The following EPHA6 variants were observed in gnomAD, a reference collection of about 807,000 sequenced individuals.
EPHA6 encodes the protein EPH receptor A6, also known as ephrin type-A receptor 6.
Under a neutral mutation model 112.0 loss-of-function variants are expected in EPHA6, and 50 were observed. The ratio of observed to expected loss-of-function variants is 0.45; its 90% CI spans 0.36 to 0.56. EPHA6 has a LOEUF of 0.56. Ranked by LOEUF, EPHA6 falls within the 20% of genes least tolerant of loss-of-function variation. EPHA6 has a pLI of 0.00. For missense variants in EPHA6, 1,280 were observed against 1,417.4 expected (o/e 0.90, Z 1.56); for synonymous variants, 529 against 490.7 (o/e 1.08, Z -1.03).
chr3:97,270,337 T>G (rs985090740), intron 5 of EPHA6, among the ~76,000 whole-genome samples: 2 of 152,210 alleles, frequency 1.3e-5, no homozygotes, highest in African/African-American at 4.8e-5. Flanking sequence ...AAGAATCTCC[T>G]TCAGGGTATT....
chr3:97,449,499 T>A (rs1192832048), intron 7 of EPHA6, among the ~76,000 whole-genome samples: 1 of 152,118 alleles, frequency 6.6e-6, no homozygotes, highest in African/African-American at 2.4e-5. Flanking sequence ...ATTATAGTAA[T>A]TCCTTATGGA....
At chr3:97,514,464 A>G (rs2107600881) in intron 10 of EPHA6, among the ~76,000 whole-genome samples, 1 of 152,282 alleles carries the variant, frequency 6.6e-6, no homozygotes, top group Non-Finnish European at 1.5e-5. Flanking sequence ...TTTTTGCTAA[A>G]CATGGTAACA....
intron 9 of EPHA6, chr3:97,481,364 T>G (rs1200587490): frequency 1.3e-6 from 2 of 1,541,976 alleles, no homozygotes; most frequent in Admixed American, 1.7e-5. Flanking sequence ...ATAGCTATTC[T>G]GAGAAGGAGT....
intron 3 of EPHA6, among the ~76,000 whole-genome samples, chr3:97,083,227 C>T (rs1316423322): frequency 6.6e-6 from 1 of 151,958 alleles, no homozygotes; most frequent in Non-Finnish European, 1.5e-5. Flanking sequence ...TTTCTACTTC[C>T]ACTTCTCTGC....
intron 3 of EPHA6, among the ~76,000 whole-genome samples, chr3:97,143,954 C>T (rs1051491990): frequency 6.6e-6 from 1 of 151,674 alleles, no homozygotes; most frequent in South Asian, 2.1e-4. Flanking sequence ...AGATAATTCT[C>T]AACTGTCTAG....
Position 97,087,498 on chromosome 3 carries a change from T to C in EPHA6, c.1114+99505T>C, listed in dbSNP as rs564156605. 4.6e-5 allele frequency among the ~76,000 whole-genome samples: 7 copies of C among 152,292 alleles called. No homozygotes were observed. In the East Asian group the frequency reaches 1.4e-3, roughly 29 times the overall value. On this transcript the variant is annotated intron_variant, in intron 3 of 17. Coordinates refer to ENST00000389672, the MANE Select transcript of EPHA6 (RefSeq NM_001080448.3). ...TGCATAAGAAGCCAGAGGCACTTTT[T>C]GCCCTTAACAAAAGGGAAAGGGCCA... is the stretch of plus-strand genomic sequence containing the variant.
At chr3:97,385,917 A>G (rs942679008) in intron 5 of EPHA6, among the ~76,000 whole-genome samples, 3 of 152,166 alleles carry the variant, frequency 2.0e-5, no homozygotes, top group African/African-American at 4.8e-5. Flanking sequence ...TGCCCTCATG[A>G]TCCAATCACC....
intron 11 of EPHA6, among the ~76,000 whole-genome samples, chr3:97,586,404 TG>T (rs2093488192): frequency 6.6e-6 from 1 of 152,214 alleles, no homozygotes; most frequent in Non-Finnish European, 1.5e-5. Context: ...TCTTCCTCAC[TG>T]GTGACATAAA....
chr3:97,235,913 T>A (rs1576741481), intron 4 of EPHA6, among the ~76,000 whole-genome samples: 1 of 152,110 alleles, frequency 6.6e-6, no homozygotes, highest in African/African-American at 2.4e-5. Context: ...GTTTTCTTTT[T>A]AAAAATTCAT....
chr3:97,512,769 A>G (rs1055222884), intron 10 of EPHA6, among the ~76,000 whole-genome samples: 4 of 152,054 alleles, frequency 2.6e-5, no homozygotes, highest in Non-Finnish European at 4.4e-5. Context: ...TTCACCATGT[A>G]GGCCAGGCTG....
chr3:97,329,127 C>G (rs1477113368), intron 5 of EPHA6, among the ~76,000 whole-genome samples: 1 of 152,066 alleles, frequency 6.6e-6, no homozygotes, highest in African/African-American at 2.4e-5. Flanking sequence ...TCATCCATGT[C>G]CCTACAAAGG....
At chr3:96,967,220 AG>A (rs1253288171) in intron 2 of EPHA6, among the ~76,000 whole-genome samples, 3 of 150,008 alleles carry the variant, frequency 2.0e-5, no homozygotes, top group Non-Finnish European at 4.4e-5. Flanking sequence ...TATGTAACAT[AG>A]GTTATATAAT....
intron 5 of EPHA6, among the ~76,000 whole-genome samples, chr3:97,373,101 G>C (rs918838711): frequency 6.6e-6 from 1 of 152,008 alleles, no homozygotes; most frequent in African/African-American, 2.4e-5. Context: ...ATATTTTTGT[G>C]ATTTATATTA....
chr3:97,347,264 T>G (rs2083579815), intron 5 of EPHA6, among the ~76,000 whole-genome samples: 1 of 152,110 alleles, frequency 6.6e-6, no homozygotes, highest in Non-Finnish European at 1.5e-5. Flanking sequence ...CTTTGGCTTC[T>G]TTACAATTAA....
intron 11 of EPHA6, among the ~76,000 whole-genome samples, chr3:97,580,730 A>G (rs185180267): frequency 3.3e-5 from 5 of 152,272 alleles, no homozygotes; most frequent in East Asian, 3.9e-4. Flanking sequence ...TTTTCTCCCT[A>G]TTATCAGGAA....
chr3:97,538,532 AGATGGCT>A (rs1308820115), intron 11 of EPHA6, among the ~76,000 whole-genome samples: 2 of 152,232 alleles, frequency 1.3e-5, no homozygotes, highest in Admixed American at 1.3e-4. Flanking sequence ...AGAACTCGAT[AGATGGCT>A]GATGGTTGGT....
Position 97,637,915 on chromosome 3 carries a change from C to G in EPHA6, c.2617C>G (p.Leu873Val). 1 of 1,613,936 alleles carries G rather than the reference C, an allele frequency of 6.2e-7. No individual in the cohort carries two copies. The highest frequency in any genetic ancestry group is 8.5e-7 in the Non-Finnish European group (1 of 1,179,844). The change falls in exon 14 of 18, where the codon CTC (leucine) becomes GTC (valine). Residue 873 changes from leucine to valine, a missense_variant. This residue lies in a region of EPHA6 where 878 missense variants were observed against 999.7 expected (regional missense o/e 0.88). Coordinates refer to ENST00000389672, the MANE Select transcript of EPHA6 (RefSeq NM_001080448.3). ...HFTVIQLVGM[L>V]RGIASGMKYL... ...CACAGTCATCCAGTTGGTCGGAATG[C>G]TCCGAGGCATTGCATCAGGCATGAA...
At chr3:97,272,314 G>A (rs1464717815) in intron 5 of EPHA6, among the ~76,000 whole-genome samples, 1 of 143,584 alleles carries the variant, frequency 7.0e-6, no homozygotes, top group African/African-American at 2.8e-5. Context: ...GTGTGTGTGT[G>A]TGTGTGTGTG....
At position 97,619,436 on chromosome 3, in the gene EPHA6, G is replaced by C. The variant is rs531819486; in HGVS notation, c.2574+8582G>C. On this transcript the variant is annotated intron_variant, in intron 13 of 17. Transcript: ENST00000389672. The stretch of plus-strand genomic sequence containing the variant: ...AGAGCAATCAGACAATAGAAAAAGG[G>C]GGGGGGGGGCATCCAAATAGGAAGA... 9.4e-5 allele frequency among the ~76,000 whole-genome samples: 11 copies of C among 117,436 alleles called. 1 individual carries two copies. Among genetic ancestry groups the C allele is most frequent in the East Asian group, 5.6e-4 (1 of 1,798 alleles). The allele number at this position is 117,436 out of a possible 152,430, so 77.0% of individuals were successfully genotyped here.
Sources: allele counts gnomAD v4.1 joint callset (sites outside exome capture counted in the v4.1 genomes callset), GRCh38; gene constraint gnomAD v4.1.1; regional missense constraint gnomAD v4.1.1; transcripts MANE v1.5; gene names NCBI Gene and HGNC (gene_info 2026-07-23, HGNC 2026-07-21).